Variants in NADK observed in about 807,000 individuals in gnomAD.
NADK encodes the protein NAD kinase.
NADK carries 22 observed loss-of-function variants against 49.8 expected under a neutral mutation model. The ratio of observed to expected loss-of-function variants is 0.44; its 90% CI spans 0.32 to 0.63. The LOEUF (loss-of-function observed/expected upper bound fraction) is 0.63, where lower values mean the gene tolerates loss of function less well. NADK is among the 30% of genes least tolerant of loss of function. The pLI, the probability that NADK is intolerant of heterozygous loss-of-function variation, is 0.06. For missense variants in NADK, 438 were observed against 609.4 expected (o/e 0.72, Z 2.96); for synonymous variants, 268 against 253.7 (o/e 1.06, Z -0.54).
intron 3 of NADK, chr1:1,759,096 C>G: frequency 6.5e-7 from 1 of 1,535,892 alleles, no homozygotes; most frequent in Non-Finnish European, 8.8e-7. Flanking sequence ...ACAGTCACCA[C>G]TGACCCAGTG....
chr1:1,772,644 A>ATGTAAAAC (rs1460678791), intron 1 of NADK, among the ~76,000 whole-genome samples: 1 of 152,038 alleles, frequency 6.6e-6, no homozygotes, highest in Non-Finnish European at 1.5e-5. Flanking sequence ...CCATACACAC[A>ATGTAAAAC]TGTAAAACTG....
At chr1:1,759,317 T>C in intron 3 of NADK, 1 of 1,451,270 alleles carries the variant, frequency 6.9e-7, no homozygotes, top group Non-Finnish European at 9.1e-7. Flanking sequence ...GGGGGTGGCG[T>C]GAAGCTTGCA....
chr1:1,758,952 T>A (rs1039196480), intron 3 of NADK: 33 of 1,113,690 alleles, frequency 3.0e-5, no homozygotes, highest in Non-Finnish European at 3.7e-5. Flanking sequence ...TGGAAGGGCG[T>A]TCCCTGCCTC....
intron 1 of NADK, among the ~76,000 whole-genome samples, chr1:1,768,927 T>C (rs1645964644): frequency 6.6e-6 from 1 of 152,216 alleles, no homozygotes; most frequent in African/African-American, 2.4e-5. Context: ...ACCCAAAAGC[T>C]GGTTCTCTCT....
At position 1,765,214 on chromosome 1, in the gene NADK, C is replaced by T. The variant is rs775523911; in HGVS notation, c.179+14G>A. 5.8e-6 allele frequency: 9 copies of T among 1,556,948 alleles called. No homozygotes were observed. The highest frequency in any genetic ancestry group is 1.7e-6 in the Non-Finnish European group (2 of 1,153,068). The stretch of plus-strand genomic sequence containing the variant: ...GACGAGAAAAAAAAGAGGAACCATC[C>T]CTCCCAGTTGTACCTGAACTCCTTG... On this transcript the variant is annotated intron_variant, in intron 2 of 11. Coordinates refer to ENST00000341426, the MANE Select transcript of NADK (RefSeq NM_023018.5).
chr1:1,761,981 G>C lies in NADK; in HGVS notation c.234C>G (p.Ala78=). 1.9e-6 allele frequency: 3 copies of C among 1,614,078 alleles called. No homozygotes were observed. Among genetic ancestry groups the C allele is most frequent in the Non-Finnish European group, 2.5e-6 (3 of 1,179,986 alleles). Reference sequence around the variant, plus strand: ...TGGTCTGGGGGTTCTGCAGCACACAGGCCTTTGGTCCAAAAGTGGTCACCG... The same window carrying C: ...TGGTCTGGGGGTTCTGCAGCACACACGCCTTTGGTCCAAAAGTGGTCACCG... ...PCPVTTFGPK[A]CVLQNPQTIM... is the part of the protein sequence containing the mutation. Residue 78 remains alanine (A), a synonymous_variant, in exon 3 of 12, where the codon GCC becomes GCG. Coordinates refer to ENST00000341426, the MANE Select transcript of NADK (RefSeq NM_023018.5).
chr1:1,755,318 C>T (rs556639777), intron 7 of NADK, 56 bp downstream of exon 7: 25 of 1,258,848 alleles, frequency 2.0e-5, no homozygotes, highest in African/African-American at 1.5e-4. Context: ...CGCAAGCAAG[C>T]GAGACAGCAG....
intron 1 of NADK, among the ~76,000 whole-genome samples, chr1:1,771,175 G>C (rs892191580): frequency 1.3e-5 from 2 of 150,044 alleles, no homozygotes; most frequent in Non-Finnish European, 3.0e-5. Flanking sequence ...AATATGTGGG[G>C]ATATATTTGG....
chr1:1,762,080 G>A, intron 2 of NADK, 45 bp from the exon 3 acceptor site: 1 of 1,499,962 alleles, frequency 6.7e-7, no homozygotes, highest in Non-Finnish European at 9.3e-7. Flanking sequence ...CCTGAAACCA[G>A]ACATGCAGTG....
At chr1:1,776,659 G>C (rs1464240025) in intron 1 of NADK, among the ~76,000 whole-genome samples, 7 of 151,604 alleles carry the variant, frequency 4.6e-5, no homozygotes, top group Non-Finnish European at 1.5e-5. Flanking sequence ...TGTAATCCCA[G>C]CTACTCAGGA....
chr1:1,771,376 TAAAGG>T (rs1170219542), intron 1 of NADK, among the ~76,000 whole-genome samples: 3 of 152,070 alleles, frequency 2.0e-5, no homozygotes, highest in Admixed American at 1.3e-4. Flanking sequence ...CAGGCTTCTC[TAAAGG>T]AAAGGACAAG....
At chr1:1,757,772 A>C (rs1645577347) in intron 3 of NADK, among the ~76,000 whole-genome samples, 1 of 152,034 alleles carries the variant, frequency 6.6e-6, no homozygotes, top group Non-Finnish European at 1.5e-5. Flanking sequence ...CTCTGCACAC[A>C]GTTTCTGGCC....
At chr1:1,771,534 C>T (rs1014900993) in intron 1 of NADK, among the ~76,000 whole-genome samples, 6 of 152,172 alleles carry the variant, frequency 3.9e-5, no homozygotes, top group African/African-American at 7.2e-5. Context: ...CGGACATACA[C>T]ATCAAGGAAA....
chr1:1,766,677 CCT>C (rs1645898456), intron 1 of NADK, among the ~76,000 whole-genome samples: 1 of 151,146 alleles, frequency 6.6e-6, no homozygotes, highest in Non-Finnish European at 1.5e-5. Context: ...CCTTTTTTCC[CCT>C]TTTTCTTTTT....
intron 4 of NADK, 154 bp from the exon 5 acceptor site, chr1:1,756,762 C>G: frequency 7.6e-7 from 1 of 1,313,326 alleles, no homozygotes; most frequent in African/African-American, 1.4e-5. Flanking sequence ...CACCAACGCG[C>G]CAGGAGGAAG....
At chr1:1,759,771 C>T (rs1053569809) in intron 3 of NADK, 20 of 1,556,844 alleles carry the variant, frequency 1.3e-5, no homozygotes, top group African/African-American at 4.1e-5. Context: ...TCGGGCAGCT[C>T]GGGGACCACT....
At position 1,754,254 on chromosome 1, in the gene NADK, A is replaced by C; in HGVS notation, c.943+30T>G. The C allele has an allele frequency of 1.2e-6, 2 of 1,613,354 alleles. No individual in the cohort carries two copies. Among genetic ancestry groups the C allele is most frequent in the Non-Finnish European group, 1.7e-6 (2 of 1,179,872 alleles). On this transcript the variant is annotated intron_variant, in intron 9 of 11. Transcript: ENST00000341426. The surrounding 1 kb of genome is among the most constrained non-coding windows in gnomAD (Gnocchi z 4.3). ...CGTCACTCCCGCCCGAGGGACGCTC[A>C]GGGCCCCAGGACAGTGCTGCGGGCC... is the stretch of plus-strand genomic sequence containing the variant.
chr1:1,754,232 C>CA lies in NADK; in HGVS notation c.944-25dup, dbSNP rs1295304782. On this transcript the variant is annotated intron_variant, in intron 9 of 11. Coordinates refer to ENST00000341426, the MANE Select transcript of NADK (RefSeq NM_023018.5). The surrounding 1 kb of genome is among the most constrained non-coding windows in gnomAD (Gnocchi z 4.3). ...TCCTGACAGGGACAGGCGCAGGCGT[C>CA]ACTCCCGCCCGAGGGACGCTCAGGG... 15 of 1,613,094 alleles carry CA rather than the reference C, an allele frequency of 9.3e-6. No individual in the cohort carries two copies. Among genetic ancestry groups the CA allele is most frequent in the African/African-American group, 6.7e-5 (5 of 75,046 alleles).
rs753520964 is a variant in NADK, at chr1:1,754,559, C to T, written c.828G>A (p.Gln276=). Residue 276 remains glutamine (Q), a synonymous_variant, in exon 8 of 12, where the codon CAG becomes CAA. Transcript: ENST00000341426. The surrounding 1 kb of genome is among the most constrained non-coding windows in gnomAD (Gnocchi z 4.3). ...CTCCACTCACCTGGTACTGCATGGC[C>T]TGCTTCCCGACATCCATGTCCAGGC... ...AAGLDMDVGK[Q]AMQYQVLNEV... 1.9e-6 allele frequency: 3 copies of T among 1,612,494 alleles called. No homozygotes were observed. Among genetic ancestry groups the T allele is most frequent in the Non-Finnish European group, 2.5e-6 (3 of 1,179,440 alleles).
Sources: allele counts gnomAD v4.1 joint callset (sites outside exome capture counted in the v4.1 genomes callset), GRCh38; gene constraint gnomAD v4.1.1; non-coding constraint Gnocchi (gnomAD v3.1); transcripts MANE v1.5; gene names NCBI Gene and HGNC (gene_info 2026-07-23, HGNC 2026-07-21).